Variants in CCNY observed in about 807,000 individuals in gnomAD.
CCNY encodes the protein cyclin Y.
A neutral mutation model predicts 42.8 loss-of-function variants in CCNY; 19 were observed. The observed-to-expected ratio is 0.44, with a 90% CI of 0.31 to 0.65. The LOEUF (loss-of-function observed/expected upper bound fraction) is 0.65. CCNY is among the 30% of genes least tolerant of loss of function. The pLI, the probability that CCNY is intolerant of heterozygous loss-of-function variation, is 0.07. For missense variants in CCNY, 370 were observed against 437.3 expected (o/e 0.85, Z 1.37); for synonymous variants, 165 against 162.7 (o/e 1.01, Z -0.11).
intron 1 of CCNY, among the ~76,000 whole-genome samples, chr10:35,339,452 A>G (rs1431812779): frequency 6.6e-6 from 1 of 152,196 alleles, no homozygotes; most frequent in Non-Finnish European, 1.5e-5. Context: ...ATACATCTAT[A>G]TGTCTGTATT....
At chr10:35,370,515 A>G (rs1392929198) in intron 1 of CCNY, among the ~76,000 whole-genome samples, 1 of 151,828 alleles carries the variant, frequency 6.6e-6, no homozygotes, top group South Asian at 2.1e-4. Flanking sequence ...CAGGCTAAGT[A>G]TGAAGCCTAA....
At chr10:35,538,829 A>G (rs1423858799) in intron 7 of CCNY, among the ~76,000 whole-genome samples, 1 of 152,122 alleles carries the variant, frequency 6.6e-6, no homozygotes, top group Non-Finnish European at 1.5e-5. Flanking sequence ...TTCTTTTGTC[A>G]CTTGTGCTTA....
Position 35,437,238 on chromosome 10 carries a change from G to T in CCNY, c.155-46166G>T, listed in dbSNP as rs202136197. 5.9e-5 allele frequency among the ~76,000 whole-genome samples: 9 copies of T among 152,322 alleles called. No homozygotes were observed. The East Asian group carries it at 1.7e-3, about 29-fold the overall frequency. ...TATCAGTGTCACTTGACGGAACTGG[G>T]TTTGCAATGCCAGGATCCTTGAGAG... On this transcript the variant is annotated intron_variant, in intron 1 of 9. Transcript: ENST00000374704.
intron 3 of CCNY, among the ~76,000 whole-genome samples, chr10:35,256,255 A>C (rs1043347794): frequency 2.0e-5 from 3 of 151,970 alleles, no homozygotes; most frequent in Non-Finnish European, 2.9e-5. Flanking sequence ...ATGCCTTATA[A>C]CTTTTTTGTC....
At chr10:35,401,774 CA>C (rs995778523) in intron 1 of CCNY, among the ~76,000 whole-genome samples, 1 of 151,846 alleles carries the variant, frequency 6.6e-6, no homozygotes, top group Non-Finnish European at 1.5e-5. Context: ...GTTTTGGGGG[CA>C]GGGGGTGGAT....
chr10:35,370,266 C>T (rs1314801084), intron 1 of CCNY, among the ~76,000 whole-genome samples: 1 of 152,114 alleles, frequency 6.6e-6, no homozygotes, highest in Non-Finnish European at 1.5e-5. Flanking sequence ...ATTCTCCTGC[C>T]TCAGCCTCCC....
At chr10:35,445,024 C>T (rs1564413779) in intron 1 of CCNY, among the ~76,000 whole-genome samples, 1 of 152,080 alleles carries the variant, frequency 6.6e-6, no homozygotes, top group Non-Finnish European at 1.5e-5. Flanking sequence ...TCAGTGGTGC[C>T]ATTAACTCAG....
At position 35,570,854 on chromosome 10, in the gene CCNY, A is replaced by G. The variant is rs1474902482; in HGVS notation, c.*1684A>G. On this transcript the variant is annotated 3_prime_UTR_variant, in exon 10 of 10. Transcript: ENST00000374704. ...GGTTTTAGTGAAATTTGTGTCAGGT[A>G]TAAGCATACCTGTTTGGGCCAGAAT... 2.6e-5 allele frequency: 4 copies of G among 152,382 alleles called. No homozygotes were observed. The highest frequency in any genetic ancestry group is 4.8e-5 in the African/African-American group (2 of 41,464). 9.4% of individuals were successfully genotyped at this position (152,382 alleles called of 1,614,324 possible). A position where few individuals can be genotyped will look rare whatever the true frequency, so the allele number is the denominator to read the frequency against.
intron 1 of CCNY, among the ~76,000 whole-genome samples, chr10:35,431,459 A>T (rs1258788169): frequency 2.4e-4 from 26 of 106,222 alleles, no homozygotes; most frequent in African/African-American, 7.8e-4. Context: ...TCTCTCTCTC[A>T]CACTCACTCA....
intron 3 of CCNY, among the ~76,000 whole-genome samples, chr10:35,504,269 G>A (rs1840171161): frequency 1.3e-5 from 2 of 152,166 alleles, no homozygotes; most frequent in Non-Finnish European, 2.9e-5. Context: ...TCCTCCAGGT[G>A]GAGAAAAGTA....
intron 3 of CCNY, among the ~76,000 whole-genome samples, chr10:35,509,465 G>A (rs896634029): frequency 3.3e-5 from 5 of 152,092 alleles, no homozygotes; most frequent in South Asian, 2.1e-4. Context: ...TAATAGAGAC[G>A]GGGTTTCACC....
intron 1 of CCNY, among the ~76,000 whole-genome samples, chr10:35,395,306 T>C (rs1220728901): frequency 6.6e-6 from 1 of 152,170 alleles, no homozygotes; most frequent in Non-Finnish European, 1.5e-5. Context: ...GAAAACAGTT[T>C]TACTCAGGAA....
chr10:35,257,183 C>T (rs1229999937), intron 3 of CCNY, among the ~76,000 whole-genome samples: 1 of 151,748 alleles, frequency 6.6e-6, no homozygotes, highest in Non-Finnish European at 1.5e-5. Context: ...AGTGGTAATT[C>T]TCTCTTTCTT....
At chr10:35,566,352 CT>C (rs1841571886) in intron 9 of CCNY, 167 bp downstream of exon 9, 1 of 747,468 alleles carries the variant, frequency 1.3e-6, no homozygotes, top group African/African-American at 1.8e-5. Flanking sequence ...TGTTCTGCTT[CT>C]TTTTTCTTTG....
At chr10:35,353,223 G>C (rs139132652) in intron 1 of CCNY, among the ~76,000 whole-genome samples, 2 of 152,280 alleles carry the variant, frequency 1.3e-5, no homozygotes, top group East Asian at 1.9e-4. Flanking sequence ...TACCACACGT[G>C]GTGGGTATAT....
At chr10:35,439,432 T>A (rs951529199) in intron 1 of CCNY, among the ~76,000 whole-genome samples, 2 of 152,230 alleles carry the variant, frequency 1.3e-5, no homozygotes, top group Non-Finnish European at 2.9e-5. Context: ...TCTGTTGTTA[T>A]ATTTTTCAGT....
At chr10:35,463,227 A>C (rs760756529) in intron 1 of CCNY, among the ~76,000 whole-genome samples, 74 of 152,322 alleles carry the variant, frequency 4.9e-4, no homozygotes, top group Middle Eastern at 3.4e-3. Context: ...TATTCATCTA[A>C]AAAATAGGAT....
intron 3 of CCNY, among the ~76,000 whole-genome samples, chr10:35,504,690 G>T (rs552879396): frequency 2.0e-5 from 3 of 152,164 alleles, no homozygotes; most frequent in Non-Finnish European, 4.4e-5. Context: ...AGGCTGGAGG[G>T]CATTGGTACG....
At chr10:35,288,369 C>G (rs947274102) in intron 3 of CCNY, among the ~76,000 whole-genome samples, 1 of 151,856 alleles carries the variant, frequency 6.6e-6, no homozygotes, top group Non-Finnish European at 1.5e-5. Flanking sequence ...TGTTATTTGT[C>G]TTATTATTGT....
Sources: allele counts gnomAD v4.1 joint callset (sites outside exome capture counted in the v4.1 genomes callset), GRCh38; gene constraint gnomAD v4.1.1; transcripts MANE v1.5; gene names NCBI Gene and HGNC (gene_info 2026-07-23, HGNC 2026-07-21).